RTN1: variants seen among roughly 807,000 people sequenced by gnomAD.
The protein encoded by RTN1 is reticulon-1.
RTN1 carries 25 observed loss-of-function variants against 65.5 expected under a neutral mutation model. The ratio of observed to expected loss-of-function variants is 0.38; its 90% CI spans 0.28 to 0.53. RTN1 has a LOEUF of 0.53. Among genes scored for constraint, RTN1 ranks in the 20% least tolerant of loss-of-function variants. The pLI, the probability that RTN1 is intolerant of heterozygous loss-of-function variation, is 0.79. For missense variants in RTN1, 983 were observed against 1,025.4 expected, an observed-to-expected ratio of 0.96 and a Z score of 0.57; for synonymous variants, 471 against 447.6, an observed-to-expected ratio of 1.05 and a Z score of -0.66.
chr14:59,825,416 A>G lies in RTN1; in HGVS notation c.241+44974T>C, dbSNP rs1887013511. 6.6e-6 allele frequency among the ~76,000 whole-genome samples: 1 copy of G among 152,220 alleles called. No homozygotes were observed. Among genetic ancestry groups the G allele is most frequent in the Non-Finnish European group, 1.5e-5 (1 of 68,042 alleles). On this transcript the variant is annotated intron_variant, in intron 1 of 8. Coordinates refer to ENST00000267484, the MANE Select transcript of RTN1 (RefSeq NM_021136.3). The surrounding 1 kb of genome is among the most constrained non-coding windows in gnomAD (Gnocchi z 4.2). ...TTCCTGCAGGCTGAGGTACACAGGA[A>G]AATGCTCTGATTCAGGGAAAGTTGC...
At chr14:59,776,839 T>C (rs533140533) in intron 1 of RTN1, among the ~76,000 whole-genome samples, 6 of 152,274 alleles carry the variant, frequency 3.9e-5, no homozygotes, top group Admixed American at 2.6e-4. Context: ...CCAACTCAGT[T>C]TACCAGAAAT....
chr14:59,866,367 A>G (rs539181112), intron 1 of RTN1, among the ~76,000 whole-genome samples: 2 of 152,294 alleles, frequency 1.3e-5, no homozygotes, highest in South Asian at 2.1e-4. Flanking sequence ...AAGATAACCA[A>G]TAATGCTTCT....
intron 1 of RTN1, among the ~76,000 whole-genome samples, chr14:59,787,367 T>C (rs1430553947): frequency 3.3e-5 from 5 of 152,170 alleles, no homozygotes; most frequent in African/African-American, 1.2e-4. Flanking sequence ...CAGTCTACTC[T>C]TTTGTCAAAT....
intron 1 of RTN1, among the ~76,000 whole-genome samples, chr14:59,789,139 C>T (rs1328758534): frequency 6.6e-6 from 1 of 151,844 alleles, no homozygotes. Flanking sequence ...ATTATGTAAT[C>T]ATTCATCTTA....
chr14:59,844,338 T>A (rs185420584), intron 1 of RTN1, among the ~76,000 whole-genome samples: 53 of 152,324 alleles, frequency 3.5e-4, no homozygotes, highest in African/African-American at 1.1e-3. Flanking sequence ...GGGCTTCTGA[T>A]AAAAGGATGA....
intron 3 of RTN1, among the ~76,000 whole-genome samples, chr14:59,645,245 A>G (rs1244165310): frequency 6.6e-6 from 1 of 152,206 alleles, no homozygotes; most frequent in African/African-American, 2.4e-5. Flanking sequence ...ACACACTGCC[A>G]TCTTTGCTGT....
chr14:59,748,812 CAG>C lies in RTN1; in HGVS notation c.242-2333_242-2332del, dbSNP rs1438898845. 4.0e-5 allele frequency among the ~76,000 whole-genome samples: 6 copies of C among 151,862 alleles called. No homozygotes were observed. In the East Asian group the frequency reaches 7.8e-4, roughly 20 times the overall value. On this transcript the variant is annotated intron_variant, in intron 1 of 8. Transcript: ENST00000267484. Reference sequence around the variant, plus strand: ...GTGATATTTTTGTGGGGGCGGAGGACAGAGTCTTACTCTGTCGCCCAGGCTGG... The same window carrying C: ...GTGATATTTTTGTGGGGGCGGAGGACAGTCTTACTCTGTCGCCCAGGCTGG...
intron 3 of RTN1, among the ~76,000 whole-genome samples, chr14:59,616,344 A>G (rs1164414592): frequency 6.6e-6 from 1 of 152,162 alleles, no homozygotes; most frequent in Non-Finnish European, 1.5e-5. Context: ...GCCTTAAAAT[A>G]TTTTTATCAT....
intron 1 of RTN1, among the ~76,000 whole-genome samples, chr14:59,850,883 T>C (rs1445438169): frequency 6.6e-6 from 1 of 152,222 alleles, no homozygotes; most frequent in Non-Finnish European, 1.5e-5. Flanking sequence ...TTTTTTTCTC[T>C]TGCAAAAGTT....
chr14:59,770,820 C>T (rs181664053), intron 1 of RTN1, among the ~76,000 whole-genome samples: 100 of 152,158 alleles, frequency 6.6e-4, no homozygotes, highest in Admixed American at 4.3e-3. Flanking sequence ...TTTGGGAGGC[C>T]GAGGCAGGTG....
At chr14:59,819,232 A>C (rs930375926) in intron 1 of RTN1, among the ~76,000 whole-genome samples, 8 of 152,082 alleles carry the variant, frequency 5.3e-5, no homozygotes, top group African/African-American at 1.9e-4. Flanking sequence ...TTTATTGTGA[A>C]GAGCGAAAGA....
At chr14:59,798,947 T>C (rs1415767823) in intron 1 of RTN1, among the ~76,000 whole-genome samples, 1 of 152,158 alleles carries the variant, frequency 6.6e-6, no homozygotes, top group South Asian at 2.1e-4. Flanking sequence ...AGCACTCCCA[T>C]AACAGTTAGT....
chr14:59,784,395 C>A (rs758909146), intron 1 of RTN1, among the ~76,000 whole-genome samples: 2 of 150,572 alleles, frequency 1.3e-5, no homozygotes, highest in East Asian at 3.9e-4. Context: ...GAGCCGAGAT[C>A]GTGCCATTAC....
At chr14:59,754,854 G>A (rs1322887624) in intron 1 of RTN1, among the ~76,000 whole-genome samples, 1 of 152,082 alleles carries the variant, frequency 6.6e-6, no homozygotes, top group African/African-American at 2.4e-5. Context: ...CACCTTAGAT[G>A]CTAAGTCCCC....
chr14:59,788,645 T>G (rs1457660363), intron 1 of RTN1, among the ~76,000 whole-genome samples: 1 of 152,226 alleles, frequency 6.6e-6, no homozygotes, highest in Non-Finnish European at 1.5e-5. Flanking sequence ...AAATGCTTCA[T>G]TTTTAAATAC....
At position 59,749,168 on chromosome 14, in the gene RTN1, ATATC is replaced by A. The variant is rs1488343012; in HGVS notation, c.242-2691_242-2688del. Among the ~76,000 whole-genome samples, 4 of 103,546 alleles carry A rather than the reference ATATC, an allele frequency of 3.9e-5. 1 individual carries two copies. Among genetic ancestry groups the A allele is most frequent in the Non-Finnish European group, 6.9e-5 (4 of 57,784 alleles). The allele number at this position is 103,546 out of a possible 152,430, so 67.9% of individuals were successfully genotyped here. ...TATCTATCTATCTATATCTATCTAT[ATATC>A]TATCTATATATCTATCTATATATAT... On this transcript the variant is annotated intron_variant, in intron 1 of 8. Transcript: ENST00000267484.
intron 3 of RTN1, among the ~76,000 whole-genome samples, chr14:59,682,488 G>A (rs962731666): frequency 6.6e-6 from 1 of 152,144 alleles, no homozygotes; most frequent in African/African-American, 2.4e-5. Flanking sequence ...TAGAGGGCAG[G>A]AACTGACTCA....
intron 1 of RTN1, among the ~76,000 whole-genome samples, chr14:59,756,835 T>C (rs1195200776): frequency 9.4e-6 from 1 of 106,002 alleles, no homozygotes; most frequent in African/African-American, 5.0e-5. Flanking sequence ...CATAATTCTT[T>C]TTTTTGTTTT....
Position 59,804,271 on chromosome 14 carries a change from G to A in RTN1, c.242-57790C>T, listed in dbSNP as rs568354331. ...GTCCCTCAATTAGGATTTGTATTGT[G>A]TTTTTTTCCTCATCATTAGACTGGG... is the stretch of plus-strand genomic sequence containing the variant. On this transcript the variant is annotated intron_variant, in intron 1 of 8. Coordinates refer to ENST00000267484, the MANE Select transcript of RTN1 (RefSeq NM_021136.3). Among the ~76,000 whole-genome samples, 10 of 152,130 alleles carry A rather than the reference G, an allele frequency of 6.6e-5. No individual in the cohort carries two copies. In the South Asian group the frequency reaches 2.1e-3, roughly 32 times the overall value.
Sources: gnomAD v4.1 joint callset for allele counts (sites outside exome capture counted in the v4.1 genomes callset) on GRCh38, gnomAD v4.1.1 for gene constraint, Gnocchi (gnomAD v3.1) non-coding constraint, MANE v1.5 for transcripts, NCBI Gene and HGNC (gene_info 2026-07-23, HGNC 2026-07-21) for gene names.